SFMBT1: variants seen among roughly 807,000 people sequenced by gnomAD.
SFMBT1 encodes the protein scm-like with four MBT domains protein 1.
Under a neutral mutation model 108.7 loss-of-function variants are expected in SFMBT1, and 32 were observed. The ratio of observed to expected loss-of-function variants is 0.29; its 90% CI spans 0.22 to 0.40. The LOEUF (loss-of-function observed/expected upper bound fraction) is 0.40, where lower values mean the gene tolerates loss of function less well. Ranked by LOEUF, SFMBT1 falls within the 10% of genes least tolerant of loss-of-function variation. The pLI is 1.00. For synonymous variants in SFMBT1, 348 were observed against 369.5 expected, an observed-to-expected ratio of 0.94 and a Z score of 0.67; for missense variants, 816 against 1,059.6, an observed-to-expected ratio of 0.77 and a Z score of 3.19.
chr3:53,022,602 G>T (rs961450028), intron 1 of SFMBT1, among the ~76,000 whole-genome samples: 1 of 152,042 alleles, frequency 6.6e-6, no homozygotes, highest in Admixed American at 6.6e-5. Flanking sequence ...ATTCTGACAC[G>T]TGTTACAATG....
chr3:53,044,334 G>C (rs1478503680), intron 1 of SFMBT1, among the ~76,000 whole-genome samples: 2 of 152,158 alleles, frequency 1.3e-5, no homozygotes, highest in African/African-American at 2.4e-5. Flanking sequence ...TTGCAAATAA[G>C]GAAAATCAAA....
chr3:52,975,255 A>AT (rs1183305971), intron 1 of SFMBT1, among the ~76,000 whole-genome samples: 2 of 152,360 alleles, frequency 1.3e-5, no homozygotes, highest in Admixed American at 6.5e-5. Context: ...TAGCATAAGC[A>AT]TACAATGCAC....
At chr3:52,916,572 GGGA>G (rs1482686797) in intron 13 of SFMBT1, among the ~76,000 whole-genome samples, 2 of 151,732 alleles carry the variant, frequency 1.3e-5, no homozygotes, top group African/African-American at 4.8e-5. Context: ...AGGAGGCTGA[GGGA>G]GGAGAATGGC....
chr3:52,996,439 C>G (rs1347320921), intron 1 of SFMBT1, among the ~76,000 whole-genome samples: 1 of 149,408 alleles, frequency 6.7e-6, no homozygotes, highest in African/African-American at 2.4e-5. Context: ...GTCTCGAGTT[C>G]CTGAGCTCAA....
At chr3:52,956,213 G>A (rs1358588703) in intron 2 of SFMBT1, among the ~76,000 whole-genome samples, 4 of 152,224 alleles carry the variant, frequency 2.6e-5, no homozygotes, top group African/African-American at 9.6e-5. Context: ...TGTAATCCCA[G>A]CACTGTGGGA....
chr3:53,020,306 C>T (rs1699263456), intron 1 of SFMBT1, among the ~76,000 whole-genome samples: 1 of 152,074 alleles, frequency 6.6e-6, no homozygotes, highest in South Asian at 2.1e-4. Context: ...GGGGAAATCG[C>T]TTGAACCTGG....
intron 1 of SFMBT1, among the ~76,000 whole-genome samples, chr3:52,998,599 G>A (rs1698425967): frequency 6.7e-6 from 1 of 150,004 alleles, no homozygotes; most frequent in Non-Finnish European, 1.5e-5. Flanking sequence ...ACCTAGGGGT[G>A]ACTGCAGCCA....
At chr3:52,957,083 C>CA (rs1369736422) in intron 2 of SFMBT1, among the ~76,000 whole-genome samples, 1 of 152,158 alleles carries the variant, frequency 6.6e-6, no homozygotes, top group Non-Finnish European at 1.5e-5. Flanking sequence ...CCCATCGCTT[C>CA]AGCCCAAAAG....
At chr3:52,980,535 G>A (rs1395676366) in intron 1 of SFMBT1, among the ~76,000 whole-genome samples, 1 of 151,704 alleles carries the variant, frequency 6.6e-6, no homozygotes, top group Admixed American at 6.6e-5. Flanking sequence ...TCAAGAAGCA[G>A]AAAGAAGTGG....
rs376253373 is a variant in SFMBT1 at position 52,910,983 on chromosome 3, A to T, written c.1906+20T>A. The T allele has an allele frequency of 6.2e-7, 1 of 1,613,134 alleles. No homozygotes were observed. Among genetic ancestry groups the T allele is most frequent in the African/African-American group, 1.3e-5 (1 of 74,912 alleles). On this transcript the variant is annotated intron_variant, in intron 17 of 20. Transcript: ENST00000394752. ...TATGGTCAGCTGCTATGGTTAACAC[A>T]TTGGAAAAACATGACTCACTGTATT... is the stretch of plus-strand genomic sequence containing the variant.
rs142261286 is a variant in SFMBT1 at position 52,938,289 on chromosome 3, T to C, written c.365-3388A>G. On this transcript the variant is annotated intron_variant, in intron 4 of 20. Transcript: ENST00000394752. ...GAGTATGCCCAGTAACACTTATTGA[T>C]ATTATTAATATGCATGGCCTAAATT... Among the ~76,000 whole-genome samples the C allele has an allele frequency of 8.5e-5, 13 of 152,354 alleles. No homozygotes were observed. In the East Asian group the frequency reaches 2.5e-3, roughly 29 times the overall value.
rs573604148 is a variant in SFMBT1 at position 52,929,987 on chromosome 3, G to A, written c.897+342C>T. On this transcript the variant is annotated intron_variant, in intron 8 of 20. Coordinates refer to ENST00000394752, the MANE Select transcript of SFMBT1 (RefSeq NM_016329.4). ...CAATGAGCTCTGCATCTGGTTAGAC[G>A]TTGATGAGACTGCCTGCCTCCAACT... Among the ~76,000 whole-genome samples the A allele has an allele frequency of 1.4e-3, 220 of 152,272 alleles. 5 individuals are homozygous for A. In the South Asian group the frequency reaches 0.028, roughly 20 times the overall value.
intron 5 of SFMBT1, 110 bp from the exon 6 acceptor site, chr3:52,932,418 A>C (rs1368251963): frequency 4.7e-6 from 5 of 1,056,442 alleles, no homozygotes; most frequent in Non-Finnish European, 6.7e-6. Context: ...TACCCATTCA[A>C]AAGCCAGTGA....
intron 1 of SFMBT1, among the ~76,000 whole-genome samples, chr3:53,007,649 G>T (rs1162358473): frequency 6.6e-6 from 1 of 151,966 alleles, no homozygotes; most frequent in Non-Finnish European, 1.5e-5. Flanking sequence ...ATAGCTCATT[G>T]ATTAAAATAA....
chr3:52,963,375 A>T (rs1454351416), intron 2 of SFMBT1, among the ~76,000 whole-genome samples: 1 of 152,220 alleles, frequency 6.6e-6, no homozygotes, highest in East Asian at 1.9e-4. Context: ...ATAAATTTCA[A>T]ATAAACTGAA....
intron 9 of SFMBT1, among the ~76,000 whole-genome samples, chr3:52,926,442 T>C (rs1164010268): frequency 6.6e-6 from 1 of 152,222 alleles, no homozygotes; most frequent in Admixed American, 6.5e-5. Flanking sequence ...TATGACTGGA[T>C]TTGATTTGTA....
rs939072187 is a variant in SFMBT1, at chr3:52,944,367, T to C, written c.124-774A>G. 7.9e-5 allele frequency among the ~76,000 whole-genome samples: 12 copies of C among 152,124 alleles called. No individual in the cohort carries two copies. In the South Asian group the frequency reaches 2.5e-3, roughly 32 times the overall value. On this transcript the variant is annotated intron_variant, in intron 3 of 20. Coordinates refer to ENST00000394752, the MANE Select transcript of SFMBT1 (RefSeq NM_016329.4). ...AGAGACAGACAGACAGGCAGATAGATGGATGGATGGATGGATAAAGAAATG... is the reference window on the plus strand; with the variant it reads ...AGAGACAGACAGACAGGCAGATAGACGGATGGATGGATGGATAAAGAAATG...
intron 1 of SFMBT1, among the ~76,000 whole-genome samples, chr3:52,987,115 C>T (rs979535362): frequency 5.3e-5 from 8 of 152,080 alleles, no homozygotes; most frequent in African/African-American, 9.7e-5. Flanking sequence ...GGAAGATCTT[C>T]GGGAGCAATA....
At chr3:52,941,537 T>G (rs370029308) in intron 4 of SFMBT1, among the ~76,000 whole-genome samples, 1 of 131,898 alleles carries the variant, frequency 7.6e-6, no homozygotes, top group African/African-American at 2.9e-5. Flanking sequence ...GAGGCTGCAG[T>G]GAGCTGAGAT....
Sources: allele counts gnomAD v4.1 joint callset (sites outside exome capture counted in the v4.1 genomes callset), GRCh38; gene constraint gnomAD v4.1.1; transcripts MANE v1.5; gene names NCBI Gene and HGNC (gene_info 2026-07-23, HGNC 2026-07-21).